DMBT1: variants seen among roughly 807,000 people sequenced by gnomAD.
DMBT1 encodes deleted in malignant brain tumors 1, also known as scavenger receptor cysteine-rich domain-containing protein DMBT1.
DMBT1 carries 198 observed loss-of-function variants against 252.9 expected under a neutral mutation model. The observed-to-expected ratio is 0.78, with a 90% confidence interval of 0.70 to 0.88. DMBT1 has a LOEUF of 0.88. DMBT1 is among the 40% of genes least tolerant of loss of function. The pLI is 0.00. For synonymous variants in DMBT1, 990 were observed against 942.7 expected (o/e 1.05, Z -0.92); for missense variants, 2,432 against 2,404.7 (o/e 1.01, Z -0.24).
chr10:122,592,475 C>T lies in DMBT1; in HGVS notation c.2380C>T (p.Pro794Ser), dbSNP rs1312045482. The T allele has an allele frequency of 3.8e-6, 6 of 1,587,918 alleles. 1 individual carries two copies. The South Asian group carries it at 4.6e-5, about 12-fold the overall frequency. ...GNARFGQGSGPIVLDDVRCSG... is the reference protein window; with the variant it reads ...GNARFGQGSGSIVLDDVRCSG... Reference sequence around the variant, plus strand: ...TGCCCGGTTTGGCCAGGGCTCAGGACCCATTGTTCTGGATGATGTGCGCTG... The same window carrying T: ...TGCCCGGTTTGGCCAGGGCTCAGGATCCATTGTTCTGGATGATGTGCGCTG... The change falls in exon 20 of 56, where the codon CCC (proline) becomes TCC (serine). Residue 794 changes from proline (P) to serine (S), a missense_variant. Coordinates refer to ENST00000338354, the MANE Select transcript of DMBT1 (RefSeq NM_001377530.1).
intron 2 of DMBT1, among the ~76,000 whole-genome samples, chr10:122,567,513 G>T (rs559873171): frequency 6.6e-6 from 1 of 152,212 alleles, no homozygotes; most frequent in East Asian, 1.9e-4. Flanking sequence ...AAAGCAACCT[G>T]CCCCCTCCCT....
intron 51 of DMBT1, 58 bp from the exon 52 acceptor site, chr10:122,633,133 G>A: frequency 1.3e-6 from 2 of 1,583,840 alleles, no homozygotes; most frequent in South Asian, 1.2e-5. Context: ...GTAGTCCGCA[G>A]GTAGACTGTG....
rs539796091 is a variant in DMBT1 at position 122,586,351 on chromosome 10, G to A, written c.1751G>A (p.Gly584Asp). 1 of 1,585,856 alleles carries A rather than the reference G, an allele frequency of 6.3e-7. No homozygotes were observed. The highest frequency in any genetic ancestry group is 1.7e-5 in the Admixed American group (1 of 59,500). The change falls in exon 16 of 56, where the codon GGC becomes GAC. Residue 584 changes from glycine (G) to aspartate (D), a missense_variant. This residue lies in a region of DMBT1 where 1,264 missense variants were observed against 1,082.2 expected (regional missense o/e 1.17). Transcript: ENST00000338354. ...AATGGCTGGCTCTCCCATAACTGTGGCCATAGTGAAGACGCTGGTGTCATC... is the reference window on the plus strand; with the variant it reads ...AATGGCTGGCTCTCCCATAACTGTGACCATAGTGAAGACGCTGGTGTCATC... ...PHNGWLSHNC[G>D]HSEDAGVICS...
chr10:122,625,626 A>G (rs1383122726), intron 45 of DMBT1, among the ~76,000 whole-genome samples: 1 of 152,208 alleles, frequency 6.6e-6, no homozygotes, highest in Non-Finnish European at 1.5e-5. Flanking sequence ...GAAAATTAGG[A>G]CCTTCATTTT....
intron 42 of DMBT1, among the ~76,000 whole-genome samples, chr10:122,620,049 G>T (rs1565890796): frequency 6.6e-6 from 1 of 152,210 alleles, no homozygotes; most frequent in Non-Finnish European, 1.5e-5. Context: ...ACACTTCAGA[G>T]GTAGGAGGGA....
rs538704758 is a variant in DMBT1, at chr10:122,632,261, C to T, written c.6367+386C>T. 2.9e-4 allele frequency among the ~76,000 whole-genome samples: 44 copies of T among 152,054 alleles called. 2 individuals carry two copies. In the South Asian group the frequency reaches 8.5e-3, roughly 29 times the overall value. On this transcript the variant is annotated intron_variant, in intron 50 of 55. Transcript: ENST00000338354. ...CCTGGCACCTCTCCAACACCCCCCACTGCCCCGCCCCCTGCTTGCTTTGTC... is the reference window on the plus strand; with the variant it reads ...CCTGGCACCTCTCCAACACCCCCCATTGCCCCGCCCCCTGCTTGCTTTGTC...
intron 1 of DMBT1, among the ~76,000 whole-genome samples, chr10:122,563,167 G>A (rs991634012): frequency 2.6e-5 from 4 of 152,186 alleles, no homozygotes; most frequent in Non-Finnish European, 5.9e-5. Flanking sequence ...GGTTTGTGCT[G>A]GGCAGGAAAG....
chr10:122,626,102 T>C, intron 46 of DMBT1, 137 bp downstream of exon 46: 1 of 711,050 alleles, frequency 1.4e-6, no homozygotes, highest in Non-Finnish European at 2.5e-6. Flanking sequence ...CACTATACCC[T>C]TCACCTCTTC....
chr10:122,561,698 C>T (rs2097548173), intron 1 of DMBT1, among the ~76,000 whole-genome samples: 1 of 150,120 alleles, frequency 6.7e-6, no homozygotes, highest in Admixed American at 6.7e-5. Context: ...CTCTTTTTCC[C>T]ATCTTTTGGG....
intron 1 of DMBT1, among the ~76,000 whole-genome samples, chr10:122,563,290 C>T (rs544256917): frequency 2.0e-5 from 3 of 152,288 alleles, no homozygotes; most frequent in African/African-American, 7.2e-5. Flanking sequence ...TGTTCCAACC[C>T]ATGCAGTATC....
intron 9 of DMBT1, 86 bp from the exon 10 acceptor site, chr10:122,579,492 T>C: frequency 1.9e-6 from 3 of 1,598,194 alleles, no homozygotes; most frequent in Non-Finnish European, 2.6e-6. Flanking sequence ...ACTTAGTTCA[T>C]TAGGAAGTAC....
rs775112836 is a variant in DMBT1, at chr10:122,633,325, ATC to A, written c.6534_6535del (p.Phe2179GlnfsTer6). On this transcript the variant is annotated frameshift_variant, in exon 52 of 56. Transcript: ENST00000338354. LOFTEE classifies it high-confidence loss of function. ...GCAAAACAACTACCGTGTGACTGTG[ATC>A]TTCAGAGATGTCCAGTAAGTGTGCG... ...EVQNNYRVTV[I>X]FRDVQLEGGC... 2 of 1,613,982 alleles carry A rather than the reference ATC, an allele frequency of 1.2e-6. No individual in the cohort carries two copies. Among genetic ancestry groups the A allele is most frequent in the Non-Finnish European group, 1.7e-6 (2 of 1,179,888 alleles).
chr10:122,568,564 A>T (rs2981780), intron 2 of DMBT1, among the ~76,000 whole-genome samples: 101,875 of 151,972 alleles, frequency 0.67, 34,505 homozygotes, highest in East Asian at 0.77. Flanking sequence ...CGAGAGCACC[A>T]AGATAAAAGC....
chr10:122,642,992 G>A, intron 55 of DMBT1, 130 bp from the exon 56 acceptor site: 1 of 1,255,276 alleles, frequency 8.0e-7, no homozygotes, highest in Non-Finnish European at 1.1e-6. Flanking sequence ...CGTTCTGACA[G>A]AAGGAAGGTG....
rs141411429 is a variant in DMBT1 at position 122,640,877 on chromosome 10, C to T, written c.7352+428C>T. 2.6e-5 allele frequency among the ~76,000 whole-genome samples: 4 copies of T among 152,304 alleles called. No homozygotes were observed. The East Asian group carries it at 7.7e-4, about 29-fold the overall frequency. ...CAAGGTTGAAATGCCAGCTCTGCCACGTGCCAGTTGCATGATTCTGGGCCA... is the reference window on the plus strand; with the variant it reads ...CAAGGTTGAAATGCCAGCTCTGCCATGTGCCAGTTGCATGATTCTGGGCCA... On this transcript the variant is annotated intron_variant, in intron 55 of 55. Coordinates refer to ENST00000338354, the MANE Select transcript of DMBT1 (RefSeq NM_001377530.1).
rs1385851857 is a variant in DMBT1, at chr10:122,593,675, T to C, written c.2530+77T>C. On this transcript the variant is annotated intron_variant, in intron 21 of 55. Transcript: ENST00000338354. ...ACCCCTTCCACACTCCACAGAGCTCTCCTGTTTCTCTGTGTGGATACTGTG... is the reference window on the plus strand; with the variant it reads ...ACCCCTTCCACACTCCACAGAGCTCCCCTGTTTCTCTGTGTGGATACTGTG... 2.0e-5 allele frequency: 29 copies of C among 1,421,926 alleles called. 4 individuals carry two copies. In the East Asian group the frequency reaches 6.3e-4, roughly 31 times the overall value. The allele number at this position is 1,421,926 out of a possible 1,614,324, so 88.1% of individuals were successfully genotyped here.
chr10:122,579,757 G>A lies in DMBT1; in HGVS notation c.859G>A (p.Ala287Thr), dbSNP rs2097749971. ...CGWAMSAPGN[A>T]QFGQGSGPIV... The stretch of plus-strand genomic sequence containing the variant: ...CTGGGCCATGTCAGCCCCAGGAAAT[G>A]CCCAGTTTGGCCAGGGCTCAGGACC... Residue 287 changes from alanine (A) to threonine (T), a missense_variant, in exon 10 of 56, where the codon GCC (alanine) becomes ACC (threonine). By Grantham distance (58) the Ala-to-Thr change is moderately conservative. Coordinates refer to ENST00000338354, the MANE Select transcript of DMBT1 (RefSeq NM_001377530.1). 4 of 1,613,784 alleles carry A rather than the reference G, an allele frequency of 2.5e-6. No individual in the cohort carries two copies. The highest frequency in any genetic ancestry group is 2.5e-6 in the Non-Finnish European group (3 of 1,179,764).
At position 122,598,024 on chromosome 10, in the gene DMBT1, T is replaced by G. The variant is rs750467558; in HGVS notation, c.2956+12T>G. 3.0e-5 allele frequency: 48 copies of G among 1,613,728 alleles called. 1 individual carries two copies. Among genetic ancestry groups the G allele is most frequent in the Middle Eastern group, 3.3e-4 (2 of 6,082 alleles). ...TGCATCGACAGTAGGTAAATATTCCTCTCGCCCCTCCCTAGGGCTCACTCT... is the reference window on the plus strand; with the variant it reads ...TGCATCGACAGTAGGTAAATATTCCGCTCGCCCCTCCCTAGGGCTCACTCT... On this transcript the variant is annotated intron_variant, in intron 25 of 55. Coordinates refer to ENST00000338354, the MANE Select transcript of DMBT1 (RefSeq NM_001377530.1).
intron 1 of DMBT1, among the ~76,000 whole-genome samples, chr10:122,563,016 C>G (rs2097561741): frequency 6.6e-6 from 1 of 152,218 alleles, no homozygotes; most frequent in South Asian, 2.1e-4. Flanking sequence ...TTGCAGGGAA[C>G]TGAGGTGATG....
Sources: allele counts gnomAD v4.1 joint callset (sites outside exome capture counted in the v4.1 genomes callset), GRCh38; gene constraint gnomAD v4.1.1; regional missense constraint gnomAD v4.1.1; transcripts MANE v1.5; gene names NCBI Gene and HGNC (gene_info 2026-07-23, HGNC 2026-07-21).